BRDT: variants seen among roughly 807,000 people sequenced by gnomAD.
BRDT encodes the protein bromodomain testis-specific protein.
In BRDT, 77 loss-of-function variants were observed where a neutral mutation model predicts 113.9. The observed-to-expected ratio is 0.68, with a 90% CI of 0.56 to 0.82. The LOEUF (loss-of-function observed/expected upper bound fraction) is 0.82. Ranked by LOEUF, BRDT falls within the 40% of genes least tolerant of loss-of-function variation. The probability of loss-of-function intolerance (pLI) is 0.00; values close to 1 mark genes in which losing one functional copy is unlikely to be tolerated. For missense variants in BRDT, 1,027 were observed against 1,105.4 expected (o/e 0.93, Z 1.01); for synonymous variants, 358 against 366.5 (o/e 0.98, Z 0.26).
chr1:91,976,498 T>C (rs1684155762), intron 5 of BRDT, 60 bp downstream of exon 5: 1 of 1,411,356 alleles, frequency 7.1e-7, no homozygotes, highest in East Asian at 2.5e-5. Flanking sequence ...TTTTTCCATT[T>C]ATAGGAAAAT....
chr1:91,966,943 C>T (rs956044678), intron 3 of BRDT, among the ~76,000 whole-genome samples: 1 of 152,058 alleles, frequency 6.6e-6, no homozygotes, highest in African/African-American at 2.4e-5. Flanking sequence ...GTGGCAGGCA[C>T]CTGTAATCCC....
At chr1:92,011,555 T>G (rs565246074) in intron 18 of BRDT, among the ~76,000 whole-genome samples, 6 of 152,146 alleles carry the variant, frequency 3.9e-5, no homozygotes, top group Non-Finnish European at 8.8e-5. Flanking sequence ...AAAGTCTTTC[T>G]GTAGTGATGT....
intron 15 of BRDT, among the ~76,000 whole-genome samples, chr1:91,997,103 A>T (rs1051447830): frequency 6.6e-6 from 1 of 150,728 alleles, no homozygotes; most frequent in African/African-American, 2.5e-5. Context: ...GTGTAATAAA[A>T]GCCCAGGAAG....
At chr1:91,957,902 G>A (rs1252269034) in intron 1 of BRDT, among the ~76,000 whole-genome samples, 1 of 152,014 alleles carries the variant, frequency 6.6e-6, no homozygotes, top group Non-Finnish European at 1.5e-5. Context: ...GAGTTTAGTA[G>A]GGCCATCTTG....
At position 92,014,282 on chromosome 1, in the gene BRDT, T is replaced by G. The variant is rs1688035576; in HGVS notation, c.*8T>G. On this transcript the variant is annotated 3_prime_UTR_variant, in exon 19 of 19. Transcript: ENST00000399546. Reference sequence around the variant, plus strand: ...GAAAACAACTTTGATTAAAACTCAGTTTTTAAATTAACCATCAACTTAAAA... The same window carrying G: ...GAAAACAACTTTGATTAAAACTCAGGTTTTAAATTAACCATCAACTTAAAA... 1.3e-6 allele frequency: 2 copies of G among 1,560,854 alleles called. No homozygotes were observed. The highest frequency in any genetic ancestry group is 1.7e-6 in the Non-Finnish European group (2 of 1,149,468).
At chr1:92,007,121 G>T (rs1474471767) in intron 18 of BRDT, among the ~76,000 whole-genome samples, 2 of 152,114 alleles carry the variant, frequency 1.3e-5, no homozygotes, top group African/African-American at 4.8e-5. Flanking sequence ...GTTACATTCA[G>T]TATAATCATT....
At chr1:91,951,523 G>A (rs926830858) in intron 1 of BRDT, among the ~76,000 whole-genome samples, 6 of 152,066 alleles carry the variant, frequency 3.9e-5, no homozygotes, top group Non-Finnish European at 7.4e-5. Flanking sequence ...AAGGCTGGGC[G>A]CGGTGGCTCA....
rs1230148907 is a variant in BRDT, at chr1:91,977,214, G to A, written c.790G>A (p.Val264Met). The change falls in exon 6 of 19, where the codon GTG becomes ATG. Residue 264 changes from valine (V) to methionine (M), a missense_variant. Val to Met is a conservative substitution (Grantham distance 21). Transcript: ENST00000399546. ...AGATTCTCAGCAACAATATAATGTT[G>A]TGAAGACTGTTAAAGTAACTGAACA... is the stretch of plus-strand genomic sequence containing the variant. The part of the protein sequence containing the change: ...LPDSQQQYNV[V>M]KTVKVTEQLR... The A allele has an allele frequency of 6.2e-7, 1 of 1,614,036 alleles. No homozygotes were observed.
intron 6 of BRDT, 153 bp downstream of exon 6, chr1:91,977,546 A>G (rs1684268765): frequency 6.1e-6 from 4 of 656,012 alleles, no homozygotes; most frequent in East Asian, 6.1e-5. Context: ...ATTTTAAAAT[A>G]TATCTTTTTG....
At chr1:91,949,784 TTTC>T (rs1680844480) in intron 1 of BRDT, 102 bp downstream of exon 1, 1 of 152,240 alleles carries the variant, frequency 6.6e-6, no homozygotes, top group Non-Finnish European at 1.5e-5. Context: ...ATGTCTGGTT[TTTC>T]TTCAAGGGAG....
chr1:91,992,081 A>ATT (rs139066569), intron 13 of BRDT, among the ~76,000 whole-genome samples, 183 bp from the exon 14 acceptor site: 5 of 150,662 alleles, frequency 3.3e-5, no homozygotes, highest in Admixed American at 3.3e-4. Flanking sequence ...CCTCATATAC[A>ATT]TTTTTTTCCC....
chr1:91,981,369 C>T lies in BRDT; in HGVS notation c.1852C>T (p.Arg618Cys), dbSNP rs761603557. Residue 618 changes from arginine to cysteine, a missense_variant, in exon 11 of 19, where the codon CGT (arginine) becomes TGT (cysteine). Physicochemically the swap from Arg to Cys is radical, Grantham distance 180. Transcript: ENST00000399546. ...TAATAATCAGTTAAATTCTAGAAAACGTCAAACAAAATGTAGGTGGCAGTT... is the reference window on the plus strand; with the variant it reads ...TAATAATCAGTTAAATTCTAGAAAATGTCAAACAAAATGTAGGTGGCAGTT... Reference protein sequence around the residue: ...DVNNQLNSRKRQTKSDKTQPS... With the variant: ...DVNNQLNSRKCQTKSDKTQPS... 6.8e-6 allele frequency: 11 copies of T among 1,612,544 alleles called. 1 individual carries two copies. The highest frequency in any genetic ancestry group is 3.3e-5 in the South Asian group (3 of 90,948).
intron 3 of BRDT, among the ~76,000 whole-genome samples, chr1:91,965,842 T>A (rs1037777454): frequency 8.0e-5 from 12 of 149,948 alleles, no homozygotes; most frequent in African/African-American, 2.5e-4. Flanking sequence ...CAAGACACCT[T>A]CTCAAAAAAA....
At chr1:91,966,400 C>G (rs754227718) in intron 3 of BRDT, among the ~76,000 whole-genome samples, 5 of 152,246 alleles carry the variant, frequency 3.3e-5, no homozygotes, top group Non-Finnish European at 5.9e-5. Context: ...TTAGCCAATG[C>G]GAATGATTTT....
intron 18 of BRDT, among the ~76,000 whole-genome samples, chr1:92,007,190 C>G (rs1687388416): frequency 6.6e-6 from 1 of 151,900 alleles, no homozygotes; most frequent in African/African-American, 2.4e-5. Context: ...TGTCTTTCTT[C>G]TCTCTCTCTT....
At position 91,992,316 on chromosome 1, in the gene BRDT, T is replaced by C. The variant is rs998513870; in HGVS notation, c.2115+2T>C. The C allele has an allele frequency of 1.3e-6, 2 of 1,512,046 alleles. No individual in the cohort carries two copies. Among genetic ancestry groups the C allele is most frequent in the Admixed American group, 2.3e-5 (1 of 44,076 alleles). 93.7% of individuals were successfully genotyped at this position (1,512,046 alleles called of 1,614,324 possible). ...GAAGGAAGAACAGGCGTCACACAGGTAATGCTTAAAATGTGTTTTAAAGAA... is the reference window on the plus strand; with the variant it reads ...GAAGGAAGAACAGGCGTCACACAGGCAATGCTTAAAATGTGTTTTAAAGAA... On this transcript the variant is annotated splice_donor_variant, in intron 14 of 18. Coordinates refer to ENST00000399546, the MANE Select transcript of BRDT (RefSeq NM_207189.4). LOFTEE classifies it high-confidence loss of function.
chr1:91,976,892 T>C, intron 5 of BRDT, 151 bp from the exon 6 acceptor site: 1 of 605,122 alleles, frequency 1.7e-6, no homozygotes. Context: ...TTTAGCAATA[T>C]TTAATACATG....
chr1:92,010,452 G>GTTTTTA (rs1437173843), intron 18 of BRDT, among the ~76,000 whole-genome samples: 3 of 150,752 alleles, frequency 2.0e-5, no homozygotes, highest in Non-Finnish European at 4.4e-5. Flanking sequence ...TTTTGTTTTT[G>GTTTTTA]TTTTTATTTT....
rs150441770 is a variant in BRDT, at chr1:91,963,763, TCTTAC to T, written c.192+821_192+825del. 7.0e-3 allele frequency among the ~76,000 whole-genome samples: 1,045 copies of T among 149,268 alleles called. 8 individuals are homozygous for T. The highest frequency in any genetic ancestry group is 0.024 in the African/African-American group (982 of 40,894). On this transcript the variant is annotated intron_variant, in intron 2 of 18. Coordinates refer to ENST00000399546, the MANE Select transcript of BRDT (RefSeq NM_207189.4). Reference sequence around the variant, plus strand: ...TTCAAGGATAATTTTATTCTGAAATTCTTACCTTTGTTCATCTTTATTGGCTTTTT... The same window carrying T: ...TTCAAGGATAATTTTATTCTGAAATTCTTTGTTCATCTTTATTGGCTTTTT...
Sources: gnomAD v4.1 joint callset for allele counts (sites outside exome capture counted in the v4.1 genomes callset) on GRCh38, gnomAD v4.1.1 for gene constraint, MANE v1.5 for transcripts, NCBI Gene and HGNC (gene_info 2026-07-23, HGNC 2026-07-21) for gene names.